Variants in CHSY3 observed in about 807,000 individuals in gnomAD.
CHSY3 encodes the protein chondroitin sulfate synthase 3, also known as N-acetylgalactosaminyl-proteoglycan 3-beta-glucuronosyltransferase 3.
Under a neutral mutation model 67.2 loss-of-function variants are expected in CHSY3, and 35 were observed. The observed-to-expected ratio is 0.52, with a 90% CI of 0.40 to 0.69. The LOEUF (loss-of-function observed/expected upper bound fraction) is 0.69, where lower values mean the gene tolerates loss of function less well. Among genes scored for constraint, CHSY3 ranks in the 30% least tolerant of loss-of-function variants. The pLI, the probability that CHSY3 is intolerant of heterozygous loss-of-function variation, is 0.00. For synonymous variants in CHSY3, 474 were observed against 434.7 expected (o/e 1.09, Z -1.12); for missense variants, 1,069 against 1,138.5 (o/e 0.94, Z 0.88).
At chr5:130,178,253 A>ATATATATATATATTT (rs1205782386) in intron 2 of CHSY3, among the ~76,000 whole-genome samples, 3 of 45,908 alleles carry the variant, frequency 6.5e-5, no homozygotes, top group African/African-American at 3.0e-4. Flanking sequence ...ATATATATAT[A>ATATATATATATATTT]TTTTTTTTTT....
chr5:129,969,684 GA>G (rs1762581680), intron 2 of CHSY3, among the ~76,000 whole-genome samples: 1 of 151,684 alleles, frequency 6.6e-6, no homozygotes, highest in African/African-American at 2.4e-5. Flanking sequence ...GAAATGGGTA[GA>G]AAAAATACTT....
intron 2 of CHSY3, among the ~76,000 whole-genome samples, chr5:130,138,841 G>C (rs1209630277): frequency 1.3e-5 from 2 of 152,138 alleles, no homozygotes; most frequent in African/African-American, 4.8e-5. Flanking sequence ...GTAGAGCAAT[G>C]ATGAGACTAT....
chr5:130,176,246 A>T (rs1470114049), intron 2 of CHSY3, among the ~76,000 whole-genome samples: 3 of 152,224 alleles, frequency 2.0e-5, no homozygotes, highest in Admixed American at 2.0e-4. Context: ...AATATATGAA[A>T]AAAAAAGCCC....
At chr5:130,155,074 C>A (rs371054596) in intron 2 of CHSY3, among the ~76,000 whole-genome samples, 11 of 152,328 alleles carry the variant, frequency 7.2e-5, no homozygotes, top group African/African-American at 2.6e-4. Flanking sequence ...AAGTGGTAGA[C>A]CGCTACTCCC....
At chr5:129,992,047 C>T (rs965094379) in intron 2 of CHSY3, among the ~76,000 whole-genome samples, 3 of 152,254 alleles carry the variant, frequency 2.0e-5, no homozygotes, top group East Asian at 1.9e-4. Flanking sequence ...GAAGAAAGAA[C>T]CTTTTAATTA....
intron 2 of CHSY3, among the ~76,000 whole-genome samples, chr5:129,914,627 A>G (rs1249487787): frequency 6.6e-6 from 1 of 152,142 alleles, no homozygotes; most frequent in African/African-American, 2.4e-5. Context: ...CTCTCATCCC[A>G]CTTGTCAGAT....
intron 2 of CHSY3, among the ~76,000 whole-genome samples, chr5:130,105,013 C>T (rs1017610215): frequency 6.6e-6 from 1 of 151,576 alleles, no homozygotes; most frequent in African/African-American, 2.4e-5. Context: ...CAGGGTTTAG[C>T]TTAGACTTAT....
chr5:129,978,297 AATATG>A (rs1314513642), intron 2 of CHSY3, among the ~76,000 whole-genome samples: 8 of 152,216 alleles, frequency 5.3e-5, no homozygotes, highest in Admixed American at 5.2e-4. Flanking sequence ...TTTAACTTAA[AATATG>A]ATTCACTTTA....
intron 2 of CHSY3, among the ~76,000 whole-genome samples, chr5:130,015,136 G>T (rs1231457267): frequency 6.6e-6 from 1 of 151,996 alleles, no homozygotes; most frequent in East Asian, 1.9e-4. Flanking sequence ...TTTCTCATGA[G>T]ATCTGATGGT....
intron 2 of CHSY3, among the ~76,000 whole-genome samples, chr5:129,994,117 C>T (rs192783904): frequency 6.6e-6 from 1 of 152,244 alleles, no homozygotes; most frequent in African/African-American, 2.4e-5. Flanking sequence ...GTGGGTAACC[C>T]GACCTTTCTC....
At chr5:130,046,886 AAG>A (rs539089363) in intron 2 of CHSY3, among the ~76,000 whole-genome samples, 7 of 152,052 alleles carry the variant, frequency 4.6e-5, no homozygotes, top group African/African-American at 1.7e-4. Flanking sequence ...ATCTTTTTGG[AAG>A]AGATTGGATT....
At chr5:130,167,502 G>T (rs1012585685) in intron 2 of CHSY3, among the ~76,000 whole-genome samples, 19 of 152,032 alleles carry the variant, frequency 1.2e-4, no homozygotes, top group African/African-American at 4.3e-4. Flanking sequence ...AATCTTCTAA[G>T]AAAAAGGAGA....
chr5:129,904,325 C>A (rs1188699261), upstream of CHSY3: 2 of 153,268 alleles, frequency 1.3e-5, no homozygotes, highest in Non-Finnish European at 2.9e-5. Flanking sequence ...TACCGCGGCC[C>A]GCGCTTCTCT....
chr5:129,942,891 CAT>C lies in CHSY3; in HGVS notation c.1086+34532_1086+34533del, dbSNP rs540103322. Among the ~76,000 whole-genome samples the C allele has an allele frequency of 1.6e-3, 244 of 152,272 alleles. 1 individual carries two copies. Among genetic ancestry groups the C allele is most frequent in the African/African-American group, 5.1e-3 (212 of 41,566 alleles). On this transcript the variant is annotated intron_variant, in intron 2 of 2. Coordinates refer to ENST00000305031, the MANE Select transcript of CHSY3 (RefSeq NM_175856.5). ...TATATGAGAATAGCTTTTATTGACTCATGTGTTTATCCTGCCTTCAACCAAAA... is the reference window on the plus strand; with the variant it reads ...TATATGAGAATAGCTTTTATTGACTCGTGTTTATCCTGCCTTCAACCAAAA...
At position 130,085,985 on chromosome 5, in the gene CHSY3, T is replaced by A. The variant is rs527329416; in HGVS notation, c.1087-98244T>A. Among the ~76,000 whole-genome samples, 27 of 152,274 alleles carry A rather than the reference T, an allele frequency of 1.8e-4. 1 individual carries two copies. Among genetic ancestry groups the A allele is most frequent in the Middle Eastern group, 3.4e-3 (1 of 294 alleles). On this transcript the variant is annotated intron_variant, in intron 2 of 2. Transcript: ENST00000305031. ...CTGTGGTCTGAGAGACAGTTTGTTA[T>A]AATTTCCGTTCTTTTACATTTGCTG...
At chr5:130,083,602 A>G (rs1451010304) in intron 2 of CHSY3, among the ~76,000 whole-genome samples, 9 of 152,054 alleles carry the variant, frequency 5.9e-5, no homozygotes. Context: ...TTAAAGAATT[A>G]GATGAGAAAT....
At chr5:129,963,549 T>C (rs767175585) in intron 2 of CHSY3, among the ~76,000 whole-genome samples, 1 of 152,006 alleles carries the variant, frequency 6.6e-6, no homozygotes, top group African/African-American at 2.4e-5. Context: ...GATGACACTA[T>C]GGAGTCAGTT....
chr5:130,081,808 A>G (rs948482102), intron 2 of CHSY3, among the ~76,000 whole-genome samples: 6 of 152,110 alleles, frequency 3.9e-5, no homozygotes, highest in Non-Finnish European at 7.4e-5. Context: ...GAGTTCATCA[A>G]GCCTCTTTTT....
chr5:129,988,466 T>C (rs535687018), intron 2 of CHSY3, among the ~76,000 whole-genome samples: 3 of 152,342 alleles, frequency 2.0e-5, no homozygotes, highest in East Asian at 3.9e-4. Context: ...TGGTGTCTTC[T>C]AGACATATAT....
Sources: gnomAD v4.1 joint callset for allele counts (sites outside exome capture counted in the v4.1 genomes callset) on GRCh38, gnomAD v4.1.1 for gene constraint, MANE v1.5 for transcripts, NCBI Gene and HGNC (gene_info 2026-07-23, HGNC 2026-07-21) for gene names.